Variants in CADPS2 observed in about 807,000 individuals in gnomAD.
CADPS2 encodes the protein calcium-dependent secretion activator 2.
A neutral mutation model predicts 172.5 loss-of-function variants in CADPS2; 93 were observed. That is an observed-to-expected ratio of 0.54 (90% CI 0.46 to 0.64). The LOEUF is 0.64. CADPS2 is among the 30% of genes least tolerant of loss of function. CADPS2 has a pLI of 0.00. For synonymous variants in CADPS2, 546 were observed against 555.2 expected, an observed-to-expected ratio of 0.98 and a Z score of 0.23; for missense variants, 1,420 against 1,565.9, an observed-to-expected ratio of 0.91 and a Z score of 1.57.
At chr7:122,381,050 C>G (rs1422035709) in intron 24 of CADPS2, among the ~76,000 whole-genome samples, 2 of 152,104 alleles carry the variant, frequency 1.3e-5, no homozygotes, top group Non-Finnish European at 2.9e-5. Context: ...CCAGACAGGT[C>G]CACACATGAA....
chr7:122,562,501 GA>G (rs1260137426), intron 7 of CADPS2, among the ~76,000 whole-genome samples: 2 of 152,156 alleles, frequency 1.3e-5, no homozygotes, highest in East Asian at 3.9e-4. Flanking sequence ...ACCCTGCTGA[GA>G]GCTTGATTTT....
chr7:122,578,936 A>G (rs1167411663), intron 7 of CADPS2, among the ~76,000 whole-genome samples: 1 of 152,106 alleles, frequency 6.6e-6, no homozygotes, highest in Non-Finnish European at 1.5e-5. Flanking sequence ...GAAAAGGGGA[A>G]ACAAGGGAGA....
At chr7:122,622,991 C>A (rs1244299531) in intron 4 of CADPS2, among the ~76,000 whole-genome samples, 1 of 152,280 alleles carries the variant, frequency 6.6e-6, no homozygotes. Flanking sequence ...ACCTGCTTTT[C>A]TTCTCCTCCA....
At chr7:122,572,193 T>C (rs1169762558) in intron 7 of CADPS2, among the ~76,000 whole-genome samples, 3 of 152,170 alleles carry the variant, frequency 2.0e-5, no homozygotes, top group Non-Finnish European at 4.4e-5. Context: ...TATCATATGC[T>C]GCAAGATGGA....
At chr7:122,826,506 G>A (rs909054582) in intron 1 of CADPS2, among the ~76,000 whole-genome samples, 2 of 151,946 alleles carry the variant, frequency 1.3e-5, no homozygotes, top group East Asian at 3.9e-4. Flanking sequence ...ATCTGACAAA[G>A]ATTTTAAGGT....
chr7:122,689,967 T>C (rs2084122252), intron 2 of CADPS2, among the ~76,000 whole-genome samples: 1 of 152,108 alleles, frequency 6.6e-6, no homozygotes, highest in Non-Finnish European at 1.5e-5. Context: ...ATGTGTTGCA[T>C]CCCACCCACT....
At chr7:122,843,221 C>T (rs961395266) in intron 1 of CADPS2, among the ~76,000 whole-genome samples, 1 of 151,874 alleles carries the variant, frequency 6.6e-6, no homozygotes, top group African/African-American at 2.4e-5. Context: ...CTCAATCACA[C>T]ATCATAAGAG....
intron 14 of CADPS2, among the ~76,000 whole-genome samples, chr7:122,455,739 C>A (rs998795923): frequency 1.3e-5 from 2 of 152,132 alleles, no homozygotes; most frequent in Admixed American, 1.3e-4. Context: ...TGGAGTCTCC[C>A]TCTGTCACCC....
At chr7:122,379,244 A>G (rs934521115) in intron 25 of CADPS2, 124 bp downstream of exon 25, 1 of 568,676 alleles carries the variant, frequency 1.8e-6, no homozygotes, top group Non-Finnish European at 2.9e-6. Flanking sequence ...TGAAAATTCT[A>G]ATTTTTTCCT....
chr7:122,417,987 T>C (rs1419729639), intron 17 of CADPS2, among the ~76,000 whole-genome samples: 1 of 152,034 alleles, frequency 6.6e-6, no homozygotes. Flanking sequence ...CTGGCCAACA[T>C]GGCGAAACCC....
intron 2 of CADPS2, chr7:122,702,070 T>C (rs1341008835): frequency 4.3e-6 from 7 of 1,613,534 alleles, no homozygotes; most frequent in East Asian, 2.2e-5. Context: ...CTGTCTTTAT[T>C]TGACTTCGCC....
At chr7:122,837,448 C>T (rs55768795) in intron 1 of CADPS2, among the ~76,000 whole-genome samples, 34,894 of 151,920 alleles carry the variant, frequency 0.23, 4,444 homozygotes, top group African/African-American at 0.34. Context: ...CTGAAGGCGA[C>T]AGAGACACAA....
At chr7:122,799,014 A>C (rs1328922374) in intron 1 of CADPS2, among the ~76,000 whole-genome samples, 1 of 152,048 alleles carries the variant, frequency 6.6e-6, no homozygotes, top group African/African-American at 2.4e-5. Flanking sequence ...TCCCATTTAG[A>C]GAAATGGTCT....
At chr7:122,776,972 G>A (rs1324744841) in intron 1 of CADPS2, among the ~76,000 whole-genome samples, 1 of 152,020 alleles carries the variant, frequency 6.6e-6, no homozygotes, top group Non-Finnish European at 1.5e-5. Context: ...GCAATATAGT[G>A]TGACCCCATC....
chr7:122,556,550 A>G (rs2065052128), intron 7 of CADPS2, among the ~76,000 whole-genome samples: 1 of 152,160 alleles, frequency 6.6e-6, no homozygotes, highest in South Asian at 2.1e-4. Flanking sequence ...ACTTTTGACA[A>G]TTTCTCATTC....
At chr7:122,353,395 C>T (rs1454936241) in intron 27 of CADPS2, among the ~76,000 whole-genome samples, 2 of 152,000 alleles carry the variant, frequency 1.3e-5, no homozygotes, top group African/African-American at 4.8e-5. Context: ...TCTCCTTTAT[C>T]TTAGGACAAA....
chr7:122,857,164 C>T (rs1815487769), intron 1 of CADPS2, among the ~76,000 whole-genome samples: 1 of 152,100 alleles, frequency 6.6e-6, no homozygotes, highest in African/African-American at 2.4e-5. Flanking sequence ...GTTTTTATGG[C>T]ATCATTAACC....
rs1164813291 is a variant in CADPS2, at chr7:122,319,012, A to C, written c.*1153T>G. On this transcript the variant is annotated 3_prime_UTR_variant, in exon 30 of 30. Transcript: ENST00000449022. ...ATTCATAGAGAACTTACGCAACATA[A>C]TACAATTATCTCTCAAACCCTAGCA... is the stretch of plus-strand genomic sequence containing the variant. 1 of 152,198 alleles carries C rather than the reference A, an allele frequency of 6.6e-6. No individual in the cohort carries two copies. The highest frequency in any genetic ancestry group is 2.4e-5 in the African/African-American group (1 of 41,460). The allele number at this position is 152,198 out of a possible 1,614,324, so 9.4% of individuals were successfully genotyped here.
chr7:122,623,764 T>C (rs745770499), intron 4 of CADPS2, among the ~76,000 whole-genome samples: 4 of 152,204 alleles, frequency 2.6e-5, no homozygotes, highest in Non-Finnish European at 5.9e-5. Context: ...GTCCATTTTA[T>C]ATTTATATGA....
Sources: gnomAD v4.1 joint callset for allele counts (sites outside exome capture counted in the v4.1 genomes callset) on GRCh38, gnomAD v4.1.1 for gene constraint, MANE v1.5 for transcripts, NCBI Gene and HGNC (gene_info 2026-07-23, HGNC 2026-07-21) for gene names.